The following ZNRF2 variants were observed in gnomAD, a reference collection of about 807,000 sequenced individuals.
ZNRF2 encodes the protein zinc and ring finger 2.
In ZNRF2, 16 loss-of-function variants were observed where a neutral mutation model predicts 20.4. That is an observed-to-expected ratio of 0.79 (90% CI 0.53 to 1.19). The LOEUF is 1.19. Among genes scored for constraint, ZNRF2 ranks in the 50% most tolerant of loss-of-function variants. The pLI is 0.00. For synonymous variants in ZNRF2, 178 were observed against 144.9 expected (o/e 1.23, Z -1.64); for missense variants, 363 against 332.4 (o/e 1.09, Z -0.72).
intron 1 of ZNRF2, chr7:30,288,965 A>G (rs552479718): frequency 3.9e-5 from 6 of 152,340 alleles, no homozygotes; most frequent in African/African-American, 1.4e-4. Context: ...TGAGTGGTCA[A>G]ATAGCCTTTA....
intron 2 of ZNRF2, among the ~76,000 whole-genome samples, chr7:30,330,809 TTAAA>T (rs1799626031): frequency 6.6e-6 from 1 of 152,136 alleles, no homozygotes; most frequent in Admixed American, 6.5e-5. Flanking sequence ...AAGCAGAATT[TTAAA>T]TAAGAAAGTC....
chr7:30,349,911 A>G (rs929441693), intron 2 of ZNRF2, among the ~76,000 whole-genome samples: 4 of 152,072 alleles, frequency 2.6e-5, no homozygotes, highest in Non-Finnish European at 5.9e-5. Flanking sequence ...AAATCAGTGT[A>G]ATTGATTTTA....
chr7:30,359,746 A>T (rs1337543639), intron 3 of ZNRF2, among the ~76,000 whole-genome samples: 1 of 152,124 alleles, frequency 6.6e-6, no homozygotes. Flanking sequence ...TGTAAGGCTA[A>T]CTTCACCATT....
chr7:30,336,789 A>G (rs909678291), intron 2 of ZNRF2, among the ~76,000 whole-genome samples: 3 of 152,178 alleles, frequency 2.0e-5, no homozygotes, highest in Non-Finnish European at 4.4e-5. Context: ...TGTGTGGCCA[A>G]GTACATCATT....
intron 1 of ZNRF2, among the ~76,000 whole-genome samples, chr7:30,294,522 C>G (rs1798975917): frequency 1.3e-5 from 2 of 152,078 alleles, no homozygotes; most frequent in African/African-American, 4.8e-5. Flanking sequence ...GTGGCTCATG[C>G]CTGTAATCCT....
intron 2 of ZNRF2, among the ~76,000 whole-genome samples, chr7:30,347,210 G>A (rs1172471051): frequency 1.3e-5 from 2 of 152,080 alleles, no homozygotes. Flanking sequence ...CATTACCTAT[G>A]TCGGTCATAC....
chr7:30,314,527 A>G (rs1799337546), intron 1 of ZNRF2, among the ~76,000 whole-genome samples: 1 of 152,028 alleles, frequency 6.6e-6, no homozygotes, highest in South Asian at 2.1e-4. Context: ...GACAAAAAAG[A>G]TGGACAGAAA....
chr7:30,340,713 G>C (rs961205803), intron 2 of ZNRF2, among the ~76,000 whole-genome samples: 1 of 151,138 alleles, frequency 6.6e-6, no homozygotes, highest in Non-Finnish European at 1.5e-5. Flanking sequence ...TTTTTTTGTT[G>C]TGTCTCTGCC....
chr7:30,309,846 T>C (rs1247126143), intron 1 of ZNRF2, among the ~76,000 whole-genome samples: 5 of 152,162 alleles, frequency 3.3e-5, no homozygotes, highest in African/African-American at 4.8e-5. Context: ...TATTAAAAAT[T>C]TGTAAAAAGT....
intron 1 of ZNRF2, among the ~76,000 whole-genome samples, chr7:30,294,839 A>G (rs1168415285): frequency 1.3e-5 from 2 of 152,074 alleles, no homozygotes; most frequent in African/African-American, 4.8e-5. Context: ...TCAGTTGTAA[A>G]GGATAGAAGC....
At chr7:30,354,922 T>C (rs1270207620) in intron 2 of ZNRF2, among the ~76,000 whole-genome samples, 1 of 152,222 alleles carries the variant, frequency 6.6e-6, no homozygotes, top group Non-Finnish European at 1.5e-5. Flanking sequence ...AATTAAAATT[T>C]AGCATTAGAA....
intron 1 of ZNRF2, among the ~76,000 whole-genome samples, chr7:30,299,532 C>T (rs1442971946): frequency 6.6e-6 from 1 of 151,556 alleles, no homozygotes; most frequent in Non-Finnish European, 1.5e-5. Context: ...TTTTTAATTG[C>T]AAAAGAAATA....
Position 30,317,751 on chromosome 7 carries a change from A to G in ZNRF2, c.470-5891A>G, listed in dbSNP as rs1034019120. On this transcript the variant is annotated intron_variant, in intron 1 of 4. Transcript: ENST00000323037. The stretch of plus-strand genomic sequence containing the variant: ...GTTCTGGCACTTTTGATGTCTTTCC[A>G]CTTAGACCTATATTCTCTTTAAGTG... Among the ~76,000 whole-genome samples the G allele has an allele frequency of 2.6e-5, 4 of 152,250 alleles. No homozygotes were observed. The South Asian group carries it at 6.2e-4, about 24-fold the overall frequency.
At chr7:30,307,316 G>GT (rs372358892) in intron 1 of ZNRF2, among the ~76,000 whole-genome samples, 1,788 of 67,634 alleles carry the variant, frequency 0.026, 48 homozygotes, top group African/African-American at 0.085. Flanking sequence ...TCTTTCTGCT[G>GT]TTTTTTTTTG....
Position 30,285,788 on chromosome 7 carries a change from G to C in ZNRF2, c.431G>C (p.Gly144Ala). 1 of 1,520,050 alleles carries C rather than the reference G, an allele frequency of 6.6e-7. No individual in the cohort carries two copies. The highest frequency in any genetic ancestry group is 8.7e-7 in the Non-Finnish European group (1 of 1,143,344). The allele number at this position is 1,520,050 out of a possible 1,614,324, so 94.2% of individuals were successfully genotyped here. A position where few individuals can be genotyped will look rare whatever the true frequency, so the allele number is the denominator to read the frequency against. Residue 144 changes from glycine (G) to alanine (A), a missense_variant, in exon 1 of 5, where the codon GGC (glycine) becomes GCC (alanine). Transcript: ENST00000323037. ...GSPGGPRLVIGSLPAHLSPHM... is the reference protein window; with the variant it reads ...GSPGGPRLVIASLPAHLSPHM... Reference sequence around the variant, plus strand: ...CCCGGCGGGCCGCGCCTGGTGATCGGCTCCTTACCAGCTCACCTCTCGCCG... The same window carrying C: ...CCCGGCGGGCCGCGCCTGGTGATCGCCTCCTTACCAGCTCACCTCTCGCCG...
chr7:30,336,052 C>A (rs1348966129), intron 2 of ZNRF2, among the ~76,000 whole-genome samples: 1 of 152,046 alleles, frequency 6.6e-6, no homozygotes, highest in Non-Finnish European at 1.5e-5. Context: ...AGGTGTTGAT[C>A]TTGGCAAATG....
At chr7:30,346,682 T>G (rs898670563) in intron 2 of ZNRF2, among the ~76,000 whole-genome samples, 2 of 152,110 alleles carry the variant, frequency 1.3e-5, no homozygotes, top group South Asian at 4.1e-4. Context: ...TATTTAAGTG[T>G]TTTTTCACTC....
intron 2 of ZNRF2, among the ~76,000 whole-genome samples, chr7:30,349,562 A>G (rs928192587): frequency 3.3e-5 from 5 of 151,876 alleles, no homozygotes; most frequent in African/African-American, 7.3e-5. Flanking sequence ...GAAGAGTTGG[A>G]GTTTGAAACT....
intron 2 of ZNRF2, among the ~76,000 whole-genome samples, chr7:30,341,500 T>C (rs1475712810): frequency 1.3e-5 from 2 of 152,162 alleles, no homozygotes; most frequent in Non-Finnish European, 2.9e-5. Context: ...ATTTACCCAG[T>C]AGTCATTGAG....
Sources: gnomAD v4.1 joint callset for allele counts (sites outside exome capture counted in the v4.1 genomes callset) on GRCh38, gnomAD v4.1.1 for gene constraint, MANE v1.5 for transcripts, NCBI Gene and HGNC (gene_info 2026-07-23, HGNC 2026-07-21) for gene names.